The following CHM variants were observed in gnomAD, a reference collection of about 807,000 sequenced individuals.
CHM encodes rab proteins geranylgeranyltransferase component A 1.
In CHM, 10 loss-of-function variants were observed where a neutral mutation model predicts 49.0. That is an observed-to-expected ratio of 0.20 (90% CI 0.13 to 0.35). The LOEUF (loss-of-function observed/expected upper bound fraction) is 0.35, where lower values mean the gene tolerates loss of function less well. CHM is among the 10% of genes least tolerant of loss of function. The pLI is 1.00. For synonymous variants in CHM, 184 were observed against 167.5 expected (o/e 1.10, Z -0.76); for missense variants, 455 against 478.4 (o/e 0.95, Z 0.46).
At chrX:86,022,849 A>G (rs1204060007) in intron 2 of CHM, among the ~76,000 whole-genome samples, 2 of 110,900 alleles carry the variant, frequency 1.8e-5, no homozygotes, top group Non-Finnish European at 3.8e-5. Context: ...CCCCAGTTCT[A>G]TCCCTAAGTC....
At chrX:85,951,131 A>C (rs1274861853) in intron 8 of CHM, among the ~76,000 whole-genome samples, 1 of 112,263 alleles carries the variant, frequency 8.9e-6, no homozygotes, top group Non-Finnish European at 1.9e-5. Context: ...ACTATTCTTA[A>C]ATGCTTATAT....
chrX:85,883,963 A>G (rs181669906), intron 12 of CHM, among the ~76,000 whole-genome samples: 36 of 111,257 alleles, frequency 3.2e-4, no homozygotes, highest in African/African-American at 9.4e-4. Flanking sequence ...TGCAAAGAAC[A>G]TGAAAATGAA....
At chrX:86,022,690 TATCTCCAGCTCTAG>T (rs765797735) in intron 2 of CHM, among the ~76,000 whole-genome samples, 8 of 111,223 alleles carry the variant, frequency 7.2e-5, no homozygotes, top group Non-Finnish European at 1.5e-4. Context: ...CCAAATCTCT[TATCTCCAGCTCTAG>T]ATCTTCCACT....
Position 85,956,391 on chromosome X carries a change from G to T in CHM, c.941-13C>A. 1 of 1,199,194 alleles carries T rather than the reference G, an allele frequency of 8.3e-7. No homozygotes were observed. On this transcript the variant is annotated splice_polypyrimidine_tract_variant and intron_variant, in intron 7 of 14. Transcript: ENST00000357749. ...ATCTCTTCATATCCTATGAAAAGAT[G>T]AAATTTTATCACTTAAAATCAGAAC...
intron 14 of CHM, among the ~76,000 whole-genome samples, chrX:85,866,393 G>C (rs1411978565): frequency 7.1e-5 from 8 of 112,723 alleles, no homozygotes; most frequent in African/African-American, 2.3e-4. Flanking sequence ...CTTCTGCATA[G>C]ATTTCAGAGG....
chrX:85,996,258 A>G (rs1243485014), intron 2 of CHM, among the ~76,000 whole-genome samples: 1 of 112,471 alleles, frequency 8.9e-6, no homozygotes, highest in African/African-American at 3.2e-5. Context: ...GAGCATCTAT[A>G]CAAAGTATTT....
chrX:85,969,044 A>G (rs999305316), intron 4 of CHM: 12 of 635,653 alleles, frequency 1.9e-5, no homozygotes, highest in Non-Finnish European at 2.3e-5. Context: ...TGCTTGTATA[A>G]TTTTTAAGTG....
intron 1 of CHM, among the ~76,000 whole-genome samples, chrX:86,040,873 C>T (rs922084973): frequency 1.7e-4 from 19 of 111,929 alleles, no homozygotes; most frequent in South Asian, 1.1e-3. Flanking sequence ...CACAACTAAA[C>T]GCCCCCAAAA....
At chrX:85,927,275 T>C (rs1204540364) in intron 8 of CHM, among the ~76,000 whole-genome samples, 1 of 112,081 alleles carries the variant, frequency 8.9e-6, no homozygotes, top group Non-Finnish European at 1.9e-5. Context: ...TGTTTGACTG[T>C]ACAAAGCTGT....
rs187205997 is a variant in CHM, at chrX:85,973,338, A to G, written c.314+5429T>C. Among the ~76,000 whole-genome samples, 716 of 105,557 alleles carry G rather than the reference A, an allele frequency of 6.8e-3. 8 individuals are homozygous for G. Among genetic ancestry groups the G allele is most frequent in the African/African-American group, 0.023 (673 of 28,861 alleles). 91.7% of individuals were successfully genotyped at this position (105,557 alleles called of 115,157 possible). On this transcript the variant is annotated intron_variant, in intron 4 of 14. Transcript: ENST00000357749. ...AAAAAAAAAAAAAAAAAAAGAAAGA[A>G]AGAAAGAAATCAAACCATAGATTCT...
rs140723806 is a variant in CHM at position 85,874,455 on chromosome X, C to G, written c.1610-1243G>C. 6.8e-3 allele frequency among the ~76,000 whole-genome samples: 760 copies of G among 111,505 alleles called. 12 individuals carry two copies. The East Asian group carries it at 0.08, about 12-fold the overall frequency. ...AAAGGCATAATTATCTCATTAATTA[C>G]TATTATTTAATTGGTAATCAATGTA... is the stretch of plus-strand genomic sequence containing the variant. On this transcript the variant is annotated intron_variant, in intron 13 of 14. Coordinates refer to ENST00000357749, the MANE Select transcript of CHM (RefSeq NM_000390.4).
At chrX:86,043,359 T>C (rs1934544396) in intron 1 of CHM, among the ~76,000 whole-genome samples, 1 of 110,966 alleles carries the variant, frequency 9.0e-6, no homozygotes, top group Non-Finnish European at 1.9e-5. Flanking sequence ...ATAATTTCCA[T>C]GTTTATCTTT....
intron 2 of CHM, among the ~76,000 whole-genome samples, chrX:86,008,643 G>A (rs181543697): frequency 2.6e-4 from 29 of 111,245 alleles, no homozygotes; most frequent in African/African-American, 9.5e-4. Context: ...CAATATATGC[G>A]TTTATATGGG....
At chrX:85,915,730 C>T (rs1341742817) in intron 8 of CHM, among the ~76,000 whole-genome samples, 1 of 111,809 alleles carries the variant, frequency 8.9e-6, no homozygotes, top group African/African-American at 3.3e-5. Flanking sequence ...CCTAGGAATA[C>T]AGCTAACTAA....
At chrX:85,941,750 T>A (rs530875544) in intron 8 of CHM, among the ~76,000 whole-genome samples, 17 of 110,974 alleles carry the variant, frequency 1.5e-4, no homozygotes, top group Middle Eastern at 4.6e-3. Context: ...ATAATATTTG[T>A]CTATTTACGA....
intron 2 of CHM, among the ~76,000 whole-genome samples, chrX:86,021,125 CGTAT>C (rs1292771073): frequency 5.0e-5 from 1 of 19,991 alleles, no homozygotes; most frequent in Non-Finnish European, 7.5e-5. Flanking sequence ...TGTGTATATA[CGTAT>C]ATATATATAT....
At chrX:85,919,378 G>A (rs1418897454) in intron 8 of CHM, among the ~76,000 whole-genome samples, 1 of 111,393 alleles carries the variant, frequency 9.0e-6, no homozygotes, top group Non-Finnish European at 1.9e-5. Flanking sequence ...ATAGTATAAT[G>A]TTTATGAAAT....
chrX:86,000,604 A>G (rs28587899), intron 2 of CHM, among the ~76,000 whole-genome samples: 3 of 109,650 alleles, frequency 2.7e-5, no homozygotes, highest in African/African-American at 9.9e-5. Context: ...ACTTTAATGT[A>G]CATTAATGGT....
rs939275138 is a variant in CHM, at chrX:85,877,954, C to T, written c.1609+1011G>A. Reference sequence around the variant, plus strand: ...TCAATGGAAGAAAATGATCAAGATTCAAGTGCACATGCAAATCCTACAATA... The same window carrying T: ...TCAATGGAAGAAAATGATCAAGATTTAAGTGCACATGCAAATCCTACAATA... On this transcript the variant is annotated intron_variant, in intron 13 of 14. Transcript: ENST00000357749. 2.7e-5 allele frequency among the ~76,000 whole-genome samples: 3 copies of T among 111,735 alleles called. No individual in the cohort carries two copies. The South Asian group carries it at 1.1e-3, about 42-fold the overall frequency.
Sources: gnomAD v4.1 joint callset for allele counts (sites outside exome capture counted in the v4.1 genomes callset) on GRCh38, gnomAD v4.1.1 for gene constraint, MANE v1.5 for transcripts, NCBI Gene and HGNC (gene_info 2026-07-23, HGNC 2026-07-21) for gene names.